Variants in PTPN14 observed in about 807,000 individuals in gnomAD.
PTPN14 encodes tyrosine-protein phosphatase non-receptor type 14.
In PTPN14, 53 loss-of-function variants were observed where a neutral mutation model predicts 126.8. The observed-to-expected ratio is 0.42, with a 90% confidence interval of 0.34 to 0.53. The LOEUF (loss-of-function observed/expected upper bound fraction) is 0.53, where lower values mean the gene tolerates loss of function less well. PTPN14 is among the 20% of genes least tolerant of loss of function. PTPN14 has a pLI of 0.08. For synonymous variants in PTPN14, 630 were observed against 599.3 expected, an observed-to-expected ratio of 1.05 and a Z score of -0.75; for missense variants, 1,257 against 1,552.9, an observed-to-expected ratio of 0.81 and a Z score of 3.20.
At chr1:214,548,956 G>A (rs1656037924) in intron 1 of PTPN14, among the ~76,000 whole-genome samples, 1 of 152,142 alleles carries the variant, frequency 6.6e-6, no homozygotes, top group Non-Finnish European at 1.5e-5. Context: ...TGGAAACTGG[G>A]CAAATGTCTG....
In PTPN14 at chr1:214,364,739, G is replaced by A. The variant is rs966339249; in HGVS notation, c.3272-64C>T. ...CATGGCTTCGCATGTAAGTTGGGGAGGGGGGAGCGGAAGAGAACTGATGGT... is the reference window on the plus strand; with the variant it reads ...CATGGCTTCGCATGTAAGTTGGGGAAGGGGGAGCGGAAGAGAACTGATGGT... On this transcript the variant is annotated intron_variant, in intron 17 of 18. Coordinates refer to ENST00000366956, the MANE Select transcript of PTPN14 (RefSeq NM_005401.5). The surrounding 1 kb of genome is among the most constrained non-coding windows in gnomAD (Gnocchi z 4.1). 22 of 1,534,594 alleles carry A rather than the reference G, an allele frequency of 1.4e-5. No homozygotes were observed. The African/African-American group carries it at 2.6e-4, about 18-fold the overall frequency.
At chr1:214,427,184 A>G (rs1165839829) in intron 3 of PTPN14, among the ~76,000 whole-genome samples, 5 of 148,796 alleles carry the variant, frequency 3.4e-5, no homozygotes, top group Non-Finnish European at 5.9e-5. Flanking sequence ...AGGCTAAGGC[A>G]GGAGAATCAC....
chr1:214,492,382 A>G (rs1293238336), intron 1 of PTPN14, among the ~76,000 whole-genome samples: 1 of 152,234 alleles, frequency 6.6e-6, no homozygotes, highest in Admixed American at 6.5e-5. Context: ...TCAACCCCAA[A>G]GGTCCATAAA....
chr1:214,423,729 C>G (rs1208376866), intron 3 of PTPN14, among the ~76,000 whole-genome samples: 2 of 152,116 alleles, frequency 1.3e-5, no homozygotes, highest in Non-Finnish European at 2.9e-5. Flanking sequence ...GCCTGTAAAC[C>G]CAGCACTTTG....
intron 3 of PTPN14, among the ~76,000 whole-genome samples, chr1:214,428,365 G>T (rs1264257751): frequency 1.3e-5 from 2 of 152,126 alleles, no homozygotes; most frequent in African/African-American, 2.4e-5. Flanking sequence ...ACAGATTTGG[G>T]GGAAACGGAT....
intron 1 of PTPN14, among the ~76,000 whole-genome samples, chr1:214,479,264 T>C (rs1022954100): frequency 6.6e-6 from 1 of 152,114 alleles, no homozygotes; most frequent in Admixed American, 6.5e-5. Context: ...GGAGGATTGC[T>C]TGAGCCTAGG....
chr1:214,382,101 C>T (rs1446808569), intron 13 of PTPN14, among the ~76,000 whole-genome samples: 20 of 152,158 alleles, frequency 1.3e-4, no homozygotes, highest in African/African-American at 4.3e-4. Flanking sequence ...TGGGGTTTCA[C>T]CATGTTGGTC....
intron 1 of PTPN14, among the ~76,000 whole-genome samples, chr1:214,476,986 T>G (rs1449194498): frequency 6.6e-6 from 1 of 152,160 alleles, no homozygotes; most frequent in Non-Finnish European, 1.5e-5. Context: ...AACAAGCCAA[T>G]TGTTACAGAG....
At chr1:214,381,537 C>T (rs996224720) in intron 13 of PTPN14, among the ~76,000 whole-genome samples, 2 of 152,208 alleles carry the variant, frequency 1.3e-5, no homozygotes, top group African/African-American at 4.8e-5. Flanking sequence ...TCTCTTAGCA[C>T]TACTCTAGTG....
Position 214,350,840 on chromosome 1 carries a change from G to A in PTPN14, c.*7082C>T, listed in dbSNP as rs1476723674. 2 of 150,852 alleles carry A rather than the reference G, an allele frequency of 1.3e-5. No homozygotes were observed. The highest frequency in any genetic ancestry group is 2.9e-5 in the Non-Finnish European group (2 of 67,844). The allele number at this position is 150,852 out of a possible 1,614,324, so 9.3% of individuals were successfully genotyped here. A position where few individuals can be genotyped will look rare whatever the true frequency, so the allele number is the denominator to read the frequency against. The stretch of plus-strand genomic sequence containing the variant: ...TCCCAAAGTGCTGGTTTGATTACAG[G>A]TGTGAGCCACCACATCTGGCCATTT... On this transcript the variant is annotated 3_prime_UTR_variant, in exon 19 of 19. Coordinates refer to ENST00000366956, the MANE Select transcript of PTPN14 (RefSeq NM_005401.5).
chr1:214,385,357 G>C (rs1456981695), intron 12 of PTPN14, among the ~76,000 whole-genome samples: 1 of 152,134 alleles, frequency 6.6e-6, no homozygotes, highest in Non-Finnish European at 1.5e-5. Context: ...GGCAAAATTA[G>C]AATCAAGAGT....
chr1:214,481,997 A>C (rs1487633624), intron 1 of PTPN14, among the ~76,000 whole-genome samples: 2 of 152,006 alleles, frequency 1.3e-5, no homozygotes, highest in Non-Finnish European at 2.9e-5. Flanking sequence ...CAAAAAAAAA[A>C]AAAAAGGCAA....
intron 3 of PTPN14, among the ~76,000 whole-genome samples, chr1:214,421,030 T>C (rs1659531948): frequency 6.6e-6 from 1 of 152,250 alleles, no homozygotes; most frequent in Admixed American, 6.5e-5. Flanking sequence ...AATTATCACA[T>C]GATTCAGCAA....
chr1:214,485,728 TTC>T (rs1661095108), intron 1 of PTPN14, among the ~76,000 whole-genome samples: 1 of 151,948 alleles, frequency 6.6e-6, no homozygotes. Context: ...TCTTTTATAT[TTC>T]TTTTTTTTTT....
intron 18 of PTPN14, among the ~76,000 whole-genome samples, chr1:214,359,557 T>TA (rs2102503060): frequency 6.6e-6 from 1 of 152,144 alleles, no homozygotes; most frequent in South Asian, 2.1e-4. Context: ...TCTTGCTCTG[T>TA]AGCCCAGGCT....
intron 1 of PTPN14, among the ~76,000 whole-genome samples, chr1:214,470,429 T>C (rs1375055579): frequency 6.6e-6 from 1 of 152,148 alleles, no homozygotes; most frequent in African/African-American, 2.4e-5. Context: ...TGGGACACTA[T>C]TGGGGTAATG....
intron 3 of PTPN14, among the ~76,000 whole-genome samples, chr1:214,434,320 G>T (rs989030567): frequency 1.3e-5 from 2 of 152,182 alleles, no homozygotes; most frequent in African/African-American, 2.4e-5. Flanking sequence ...GGATTTTGAG[G>T]AGTGGGCTCT....
chr1:214,401,351 G>A (rs1262693937), intron 7 of PTPN14, among the ~76,000 whole-genome samples: 1 of 152,210 alleles, frequency 6.6e-6, no homozygotes, highest in East Asian at 1.9e-4. Flanking sequence ...ACTGACTAGA[G>A]TCTTCATTAA....
At chr1:214,362,510 T>C (rs1019427863) in intron 18 of PTPN14, among the ~76,000 whole-genome samples, 2 of 152,226 alleles carry the variant, frequency 1.3e-5, no homozygotes, top group Non-Finnish European at 2.9e-5. Context: ...TACTCCAAAC[T>C]GTTCCGGATT....
Sources: gnomAD v4.1 joint callset for allele counts (sites outside exome capture counted in the v4.1 genomes callset) on GRCh38, gnomAD v4.1.1 for gene constraint, Gnocchi (gnomAD v3.1) non-coding constraint, MANE v1.5 for transcripts, NCBI Gene and HGNC (gene_info 2026-07-23, HGNC 2026-07-21) for gene names.